The following SLC38A6 variants were observed in gnomAD, a reference collection of about 807,000 sequenced individuals.
SLC38A6 encodes N system amino acid transporter NAT-1.
In SLC38A6, 73 loss-of-function variants were observed where a neutral mutation model predicts 65.0. The observed-to-expected ratio is 1.12, with a 90% CI of 0.93 to 1.37. The LOEUF is 1.37. Ranked by LOEUF, SLC38A6 falls within the 40% of genes most tolerant of loss-of-function variation. The pLI is 0.00. For synonymous variants in SLC38A6, 183 were observed against 178.8 expected (o/e 1.02, Z -0.19); for missense variants, 561 against 531.1 (o/e 1.06, Z -0.55).
At chr14:61,072,085 G>A (rs1238521461) in intron 15 of SLC38A6, among the ~76,000 whole-genome samples, 3 of 152,160 alleles carry the variant, frequency 2.0e-5, no homozygotes, top group African/African-American at 7.2e-5. Context: ...CACGTTTGGT[G>A]TCTGGTGAGG....
chr14:61,051,179 A>G (rs562718241), intron 13 of SLC38A6, among the ~76,000 whole-genome samples: 1 of 152,326 alleles, frequency 6.6e-6, no homozygotes, highest in East Asian at 1.9e-4. Context: ...GGCTTTGGGT[A>G]TAAATGCATC....
chr14:60,984,746 G>C lies in SLC38A6; in HGVS notation c.253G>C (p.Val85Leu). 1 of 1,613,992 alleles carries C rather than the reference G, an allele frequency of 6.2e-7. No individual in the cohort carries two copies. The highest frequency in any genetic ancestry group is 1.3e-5 in the African/African-American group (1 of 75,048). Residue 85 changes from valine (V) to leucine (L), a missense_variant, in exon 3 of 16, where the codon GTT becomes CTT. Transcript: ENST00000267488. ...ATGTTTTAGCTTCTTGCTGCTGACAGTTGCTCTCCTGGCTTCTTACTCAGT... is the reference window on the plus strand; with the variant it reads ...ATGTTTTAGCTTCTTGCTGCTGACACTTGCTCTCCTGGCTTCTTACTCAGT... ...VFGFSFLLLT[V>L]ALLASYSVHL...
intron 5 of SLC38A6, among the ~76,000 whole-genome samples, chr14:61,030,232 A>G (rs1158024538): frequency 6.6e-6 from 1 of 151,400 alleles, no homozygotes; most frequent in African/African-American, 2.4e-5. Flanking sequence ...AATGAACTTA[A>G]CAATTGTTAT....
intron 3 of SLC38A6, among the ~76,000 whole-genome samples, chr14:61,012,868 G>T (rs1272085702): frequency 6.6e-6 from 1 of 152,196 alleles, no homozygotes; most frequent in Non-Finnish European, 1.5e-5. Flanking sequence ...CTGTTGATTT[G>T]GGTTGGAGAG....
At chr14:61,076,953 A>G (rs2043440971) in intron 15 of SLC38A6, among the ~76,000 whole-genome samples, 1 of 152,242 alleles carries the variant, frequency 6.6e-6, no homozygotes, top group Non-Finnish European at 1.5e-5. Context: ...GACTTTCTAC[A>G]AACACAATTT....
chr14:60,998,588 C>T (rs1419703142), intron 3 of SLC38A6, among the ~76,000 whole-genome samples: 1 of 152,202 alleles, frequency 6.6e-6, no homozygotes, highest in Non-Finnish European at 1.5e-5. Flanking sequence ...CCTGATTCTT[C>T]CTGGACACAG....
In SLC38A6 at chr14:61,070,267, T is replaced by C. The variant is rs187204539; in HGVS notation, c.1291-8543T>C. Among the ~76,000 whole-genome samples, 9 of 152,394 alleles carry C rather than the reference T, an allele frequency of 5.9e-5. No homozygotes were observed. The East Asian group carries it at 1.3e-3, about 23-fold the overall frequency. On this transcript the variant is annotated intron_variant, in intron 15 of 16. Coordinates refer to the SLC38A6 transcript ENST00000354886. ...ATTTTACTTTTTGCTTCTATGAGTTTGACTGCTCTCGCCATCTTGTACCAA... is the reference window on the plus strand; with the variant it reads ...ATTTTACTTTTTGCTTCTATGAGTTCGACTGCTCTCGCCATCTTGTACCAA...
chr14:60,989,590 G>A (rs2037711138), intron 3 of SLC38A6, among the ~76,000 whole-genome samples: 1 of 152,142 alleles, frequency 6.6e-6, no homozygotes, highest in South Asian at 2.1e-4. Context: ...TGTGTGAGGT[G>A]ACATGAGCCT....
intron 5 of SLC38A6, among the ~76,000 whole-genome samples, chr14:61,029,180 G>A (rs2040790759): frequency 6.8e-6 from 1 of 147,686 alleles, no homozygotes; most frequent in African/African-American, 2.5e-5. Flanking sequence ...TTTTGAGGTG[G>A]AATTTTGCTC....
chr14:61,011,429 T>C (rs946184221), intron 3 of SLC38A6, among the ~76,000 whole-genome samples: 2 of 151,618 alleles, frequency 1.3e-5, no homozygotes, highest in Admixed American at 6.6e-5. Context: ...TGAATAGGAG[T>C]GGTGAGAGAG....
intron 3 of SLC38A6, among the ~76,000 whole-genome samples, chr14:60,997,774 A>G (rs2038399332): frequency 1.3e-5 from 2 of 152,310 alleles, no homozygotes; most frequent in South Asian, 2.1e-4. Context: ...ACAATAAAGG[A>G]GAAGTAGATG....
chr14:60,981,666 C>T (rs866856862), intron 1 of SLC38A6: 1 of 1,414,916 alleles, frequency 7.1e-7, no homozygotes, highest in Non-Finnish European at 9.3e-7. Flanking sequence ...ATGAGCGGCC[C>T]TAGGATTATG....
intron 13 of SLC38A6, 138 bp downstream of exon 13, chr14:61,050,774 C>T (rs1265010137): frequency 5.2e-6 from 4 of 773,620 alleles, no homozygotes; most frequent in East Asian, 6.3e-5. Flanking sequence ...TGATCAAAGA[C>T]TTCATACTTG....
At chr14:61,005,933 C>A (rs1325606083) in intron 3 of SLC38A6, among the ~76,000 whole-genome samples, 1 of 152,108 alleles carries the variant, frequency 6.6e-6, no homozygotes, top group Non-Finnish European at 1.5e-5. Context: ...AACTATACTA[C>A]AAGGCTACAG....
rs539890087 is a variant in SLC38A6 at position 61,048,156 on chromosome 14, C to T, written c.925+1989C>T. The T allele has an allele frequency of 3.8e-4, 171 of 454,048 alleles. 2 individuals carry two copies. Among genetic ancestry groups the T allele is most frequent in the South Asian group, 2.6e-3 (167 of 64,054 alleles). 28.1% of individuals were successfully genotyped at this position (454,048 alleles called of 1,614,324 possible). On this transcript the variant is annotated intron_variant, in intron 12 of 15. Coordinates refer to ENST00000267488, the MANE Select transcript of SLC38A6 (RefSeq NM_153811.3). ...TGATCATATCTTTCTACCAGGATAA[C>T]AGGAGCTTTGTGTCATAGGAAGAAA...
intron 15 of SLC38A6, among the ~76,000 whole-genome samples, chr14:61,076,383 T>G (rs992684876): frequency 6.6e-6 from 1 of 152,234 alleles, no homozygotes; most frequent in Admixed American, 6.5e-5. Flanking sequence ...CTTCGGTGTA[T>G]AGACCAGGTT....
intron 5 of SLC38A6, among the ~76,000 whole-genome samples, chr14:61,022,633 T>G (rs1294835351): frequency 6.6e-6 from 1 of 152,100 alleles, no homozygotes; most frequent in Non-Finnish European, 1.5e-5. Flanking sequence ...TTACACATCT[T>G]AAGTGCCTGT....
chr14:61,064,070 C>T (rs184158968), intron 15 of SLC38A6, among the ~76,000 whole-genome samples: 1 of 152,312 alleles, frequency 6.6e-6, no homozygotes, highest in Admixed American at 6.5e-5. Flanking sequence ...CTCTAGCCTT[C>T]ACTCACAGGG....
intron 13 of SLC38A6, among the ~76,000 whole-genome samples, 159 bp from the exon 14 acceptor site, chr14:61,051,628 A>G (rs1020209504): frequency 2.6e-5 from 4 of 152,184 alleles, no homozygotes; most frequent in African/African-American, 9.6e-5. Flanking sequence ...TAAACAGTTT[A>G]TGTGTATAAA....
Sources: gnomAD v4.1 joint callset for allele counts (sites outside exome capture counted in the v4.1 genomes callset) on GRCh38, gnomAD v4.1.1 for gene constraint, MANE v1.5 for transcripts, NCBI Gene and HGNC (gene_info 2026-07-23, HGNC 2026-07-21) for gene names.